The following C6orf141 variants were observed in gnomAD, a reference collection of about 807,000 sequenced individuals.
C6orf141 encodes chromosome 6 open reading frame 141.
For missense variants in C6orf141, 361 were observed against 335.8 expected (o/e 1.07, Z -0.59); for synonymous variants, 164 against 140.5 (o/e 1.17, Z -1.18).
At chr6:49,557,936 G>C (rs983991597) in intron 4 of C6orf141, among the ~76,000 whole-genome samples, 2 of 152,188 alleles carry the variant, frequency 1.3e-5, no homozygotes, top group South Asian at 4.1e-4. Flanking sequence ...GTGTTGTCCA[G>C]GCTGGAGGGC....
At chr6:49,559,048 G>A (rs994105301) in intron 4 of C6orf141, among the ~76,000 whole-genome samples, 1 of 151,076 alleles carries the variant, frequency 6.6e-6, no homozygotes, top group Non-Finnish European at 1.5e-5. Context: ...AGTCTTTAAT[G>A]ACAAAGAGCA....
chr6:49,551,201 C>G lies in C6orf141; in HGVS notation c.409C>G (p.Gln137Glu), dbSNP rs6919674. The G allele has an allele frequency of 1, 1,545,685 of 1,551,700 alleles. 770,022 individuals carry two copies. Among genetic ancestry groups the G allele is most frequent in the East Asian group, 1 (40,889 of 40,890 alleles). ...CAACTACCCTTCTGTCTTTCAACGA[C>G]AAAAGCGAATTTCTGGCAGGCGTGT... ...EPNYPSVFQR[Q>E]KRISGRRVAP... Residue 137 changes from glutamine (Q) to glutamate (E), a missense_variant, in exon 1 of 1, where the codon CAA becomes GAA. Gln to Glu is a conservative substitution (Grantham distance 29, BLOSUM62 2). Transcript: ENST00000529246.
chr6:49,557,884 G>A (rs922584506), intron 4 of C6orf141, among the ~76,000 whole-genome samples: 2 of 151,896 alleles, frequency 1.3e-5, no homozygotes, highest in Non-Finnish European at 2.9e-5. Context: ...TAATGCAATA[G>A]TTTTTGTTTT....
At chr6:49,560,909 A>G (rs1773187074) in intron 4 of C6orf141, 1 of 152,202 alleles carries the variant, frequency 6.6e-6, no homozygotes, top group African/African-American at 2.4e-5. Flanking sequence ...TTAAATTTTA[A>G]TAAAGCAGAT....
chr6:49,550,894 G>T lies in C6orf141; in HGVS notation c.102G>T (p.Arg34=). ...TGGGGGACCTCGGGCCTTTTCCGCGGGAGGTAGGGCGCGGGGCTCCGCTAG... is the reference window on the plus strand; with the variant it reads ...TGGGGGACCTCGGGCCTTTTCCGCGTGAGGTAGGGCGCGGGGCTCCGCTAG... ...RSLGDLGPFP[R]EVGRGAPLAP... The change falls in exon 1 of 1, where the codon CGG becomes CGT. Residue 34 remains arginine (R), a synonymous_variant. Coordinates refer to ENST00000529246, the MANE Select transcript of C6orf141 (RefSeq NM_001145652.2). The T allele has an allele frequency of 3.9e-6, 6 of 1,524,816 alleles. No individual in the cohort carries two copies. Among genetic ancestry groups the T allele is most frequent in the Non-Finnish European group, 4.4e-6 (5 of 1,138,552 alleles). 94.5% of individuals were successfully genotyped at this position (1,524,816 alleles called of 1,614,324 possible). A position where few individuals can be genotyped will look rare whatever the true frequency, so the allele number is the denominator to read the frequency against.
In C6orf141 at chr6:49,550,836, G is replaced by A. The variant is rs905815262; in HGVS notation, c.44G>A (p.Gly15Glu). 70 of 1,483,260 alleles carry A rather than the reference G, an allele frequency of 4.7e-5. No homozygotes were observed. The highest frequency in any genetic ancestry group is 6.2e-5 in the Non-Finnish European group (69 of 1,120,064). The allele number at this position is 1,483,260 out of a possible 1,614,324, so 91.9% of individuals were successfully genotyped here. Residue 15 changes from glycine (G) to glutamate (E), a missense_variant, in exon 1 of 1, where the codon GGA (glycine) becomes GAA (glutamate). Gly to Glu is a moderately conservative substitution (Grantham distance 98). Coordinates refer to ENST00000529246, the MANE Select transcript of C6orf141 (RefSeq NM_001145652.2). Reference protein sequence around the residue: ...FARMETRGPQGAANPMDSSRS... With the variant: ...FARMETRGPQEAANPMDSSRS... The stretch of plus-strand genomic sequence containing the variant: ...AGGATGGAGACCCGGGGGCCTCAGG[G>A]AGCTGCGAATCCCATGGACTCCTCC...
At chr6:49,558,404 G>A (rs1772486664) in intron 4 of C6orf141, among the ~76,000 whole-genome samples, 1 of 135,242 alleles carries the variant, frequency 7.4e-6, no homozygotes. Flanking sequence ...CCCTGAGTTG[G>A]AAAAAAAAAA....
downstream of C6orf141, among the ~76,000 whole-genome samples, chr6:49,556,655 G>A (rs1452906646): frequency 6.6e-6 from 1 of 152,124 alleles, no homozygotes; most frequent in Non-Finnish European, 1.5e-5. Context: ...AATTGAGAGG[G>A]GTGGGGAAAA....
In C6orf141 at chr6:49,550,990, G is replaced by A. The variant is rs897056314; in HGVS notation, c.198G>A (p.Thr66=). The change falls in exon 1 of 1, where the codon ACG becomes ACA. Residue 66 remains threonine, a synonymous_variant. Coordinates refer to ENST00000529246, the MANE Select transcript of C6orf141 (RefSeq NM_001145652.2). The part of the protein sequence containing the change: ...RSQGGGHEDR[T]ADRALGPRAG... ...AGGGCGGCGGCCACGAGGACAGAAC[G>A]GCAGATCGGGCCCTCGGACCTCGGG... 63 of 1,550,950 alleles carry A rather than the reference G, an allele frequency of 4.1e-5. No homozygotes were observed. Among genetic ancestry groups the A allele is most frequent in the Non-Finnish European group, 5.1e-5 (59 of 1,146,910 alleles).
chr6:49,558,402 T>A (rs1287843608), intron 4 of C6orf141, among the ~76,000 whole-genome samples: 3 of 29,902 alleles, frequency 1.0e-4, no homozygotes, highest in African/African-American at 2.0e-4. Context: ...GGCCCTGAGT[T>A]GGAAAAAAAA....
At chr6:49,555,341 C>A (rs983953492), downstream of C6orf141, 1 of 151,992 alleles carries the variant, frequency 6.6e-6, no homozygotes, top group African/African-American at 2.4e-5. Flanking sequence ...GTATACACTG[C>A]ATAAAAATTG....
chr6:49,561,469 C>T (rs1175790481), intron 4 of C6orf141, among the ~76,000 whole-genome samples: 1 of 152,156 alleles, frequency 6.6e-6, no homozygotes, highest in African/African-American at 2.4e-5. Flanking sequence ...AATACCTGCA[C>T]TTCAAGAACA....
intron 4 of C6orf141, among the ~76,000 whole-genome samples, chr6:49,559,211 T>C (rs1772761783): frequency 1.1e-5 from 1 of 91,862 alleles, no homozygotes; most frequent in Non-Finnish European, 2.1e-5. Context: ...TATATATATA[T>C]ATATATATAT....
intron 4 of C6orf141, among the ~76,000 whole-genome samples, chr6:49,557,291 G>C (rs1772139973): frequency 6.6e-6 from 1 of 152,088 alleles, no homozygotes; most frequent in Non-Finnish European, 1.5e-5. Context: ...CAGAACAAGA[G>C]TATTTTGAGG....
chr6:49,551,263 C>G, exon 1 of C6orf141: 2 of 1,551,666 alleles, frequency 1.3e-6, no homozygotes, highest in Non-Finnish European at 1.7e-6. Context: ...CACCCAAATA[C>G]GTGCTTGTGC....
downstream of C6orf141, chr6:49,552,455 A>C (rs569041907): frequency 6.6e-6 from 1 of 152,332 alleles, no homozygotes. Flanking sequence ...TATGTGAATT[A>C]ACTCTTTAGT....
chr6:49,553,893 G>A (rs570184196), downstream of C6orf141, among the ~76,000 whole-genome samples: 4 of 152,054 alleles, frequency 2.6e-5, no homozygotes, highest in African/African-American at 7.2e-5. Flanking sequence ...TTATTGTTTA[G>A]TTCACTTTTC....
At position 49,551,207 on chromosome 6, in the gene C6orf141, C is replaced by A. The variant is rs768750130; in HGVS notation, c.415C>A (p.Arg139=). Residue 139 remains arginine, a synonymous_variant, in exon 1 of 1, where the codon CGA becomes AGA. Coordinates refer to ENST00000529246, the MANE Select transcript of C6orf141 (RefSeq NM_001145652.2). ...NYPSVFQRQK[R]ISGRRVAPPR... Reference sequence around the variant, plus strand: ...CCCTTCTGTCTTTCAACGACAAAAGCGAATTTCTGGCAGGCGTGTAGCCCC... The same window carrying A: ...CCCTTCTGTCTTTCAACGACAAAAGAGAATTTCTGGCAGGCGTGTAGCCCC... 5.8e-6 allele frequency: 9 copies of A among 1,551,574 alleles called. No individual in the cohort carries two copies. The highest frequency in any genetic ancestry group is 1.2e-5 in the South Asian group (1 of 84,054).
rs113903111 is a variant in C6orf141 at position 49,550,799 on chromosome 6, G to A, written c.7G>A (p.Asp3Asn). 1.5e-3 allele frequency: 2,191 copies of A among 1,459,008 alleles called. 34 individuals are homozygous for A. In the African/African-American group the frequency reaches 0.028, roughly 18 times the overall value. The allele number at this position is 1,459,008 out of a possible 1,614,324, so 90.4% of individuals were successfully genotyped here. MNDPFARMETRGP... is the reference protein window; with the variant it reads MNNPFARMETRGP... ...CCGGTCAAAGAAGGAACGAATGAAT[G>A]ACCCTTTTGCCAGGATGGAGACCCG... Residue 3 changes from aspartate to asparagine, a missense_variant, in exon 1 of 1, where the codon GAC becomes AAC. Transcript: ENST00000529246.
Sources: allele counts gnomAD v4.1 joint callset (sites outside exome capture counted in the v4.1 genomes callset), GRCh38; gene constraint gnomAD v4.1.1; transcripts MANE v1.5; gene names NCBI Gene and HGNC (gene_info 2026-07-23, HGNC 2026-07-21).